Variants in PRAG1 observed in about 807,000 individuals in gnomAD.
The protein encoded by PRAG1 is PEAK1 related, kinase-activating pseudokinase 1.
In PRAG1, 110 loss-of-function variants were observed where a neutral mutation model predicts 95.6. That is an observed-to-expected ratio of 1.15 (90% CI 0.99 to 1.35). The LOEUF is 1.35. PRAG1 is among the 40% of genes most tolerant of loss of function. The pLI, the probability that PRAG1 is intolerant of heterozygous loss-of-function variation, is 0.00. For synonymous variants in PRAG1, 1,052 were observed against 819.4 expected (o/e 1.28, Z -4.85); for missense variants, 2,554 against 1,864.7 (o/e 1.37, Z -6.81).
intron 3 of PRAG1, among the ~76,000 whole-genome samples, chr8:8,373,147 T>C (rs1207878718): frequency 6.6e-6 from 1 of 152,144 alleles, no homozygotes; most frequent in Non-Finnish European, 1.5e-5. Context: ...CTGGAATTGG[T>C]GCCGGATCAA....
At position 8,377,604 on chromosome 8, in the gene PRAG1, C is replaced by T; in HGVS notation, c.805G>A (p.Ala269Thr). 1 of 1,613,058 alleles carries T rather than the reference C, an allele frequency of 6.2e-7. No individual in the cohort carries two copies. Among genetic ancestry groups the T allele is most frequent in the Non-Finnish European group, 8.5e-7 (1 of 1,179,856 alleles). The change falls in exon 3 of 6, where the codon GCC (alanine) becomes ACC (threonine). Residue 269 changes from alanine (A) to threonine (T), a missense_variant. Physicochemically the swap from Ala to Thr is moderately conservative, Grantham distance 58. Coordinates refer to ENST00000615670, the MANE Select transcript of PRAG1 (RefSeq NM_001080826.3). ...CCPGSPVAKA[A>T]SQTAGSRGRH... Reference sequence around the variant, plus strand: ...CCCCGGGAACCTGCAGTCTGGGAGGCAGCCTTGGCAACAGGGCTCCCAGGG... The same window carrying T: ...CCCCGGGAACCTGCAGTCTGGGAGGTAGCCTTGGCAACAGGGCTCCCAGGG...
At chr8:8,332,485 A>G (rs775383328) in intron 4 of PRAG1, among the ~76,000 whole-genome samples, 2 of 152,012 alleles carry the variant, frequency 1.3e-5, no homozygotes, top group Non-Finnish European at 2.9e-5. Context: ...TTGTATTCAG[A>G]AAAGATATGC....
In PRAG1 at chr8:8,377,442, G is replaced by C. The variant is rs761905449; in HGVS notation, c.967C>G (p.Leu323Val). Reference protein sequence around the residue: ...SQGPTAHPSCLGPKKLSLTSE... With the variant: ...SQGPTAHPSCVGPKKLSLTSE... The stretch of plus-strand genomic sequence containing the variant: ...GTGAGGGACAGTTTCTTGGGGCCCA[G>C]GCAGGATGGGTGGGCAGTGGGGCCC... Residue 323 changes from leucine (L) to valine (V), a missense_variant, in exon 3 of 6, where the codon CTG becomes GTG. By Grantham distance (32) the Leu-to-Val change is conservative (BLOSUM62 1). Coordinates refer to ENST00000615670, the MANE Select transcript of PRAG1 (RefSeq NM_001080826.3). The C allele has an allele frequency of 9.0e-6, 14 of 1,555,692 alleles. No homozygotes were observed. The Admixed American group carries it at 1.5e-4, about 17-fold the overall frequency.
chr8:8,369,143 G>A lies in PRAG1; in HGVS notation c.2162+7104C>T, dbSNP rs1461781163. On this transcript the variant is annotated intron_variant, in intron 3 of 5. Coordinates refer to ENST00000615670, the MANE Select transcript of PRAG1 (RefSeq NM_001080826.3). ...TGCAGAATCATGATGGGTCCCCAGT[G>A]AAATATCAGGCCAGGAACTATTACA... 3.3e-5 allele frequency among the ~76,000 whole-genome samples: 5 copies of A among 151,582 alleles called. No individual in the cohort carries two copies. In the South Asian group the frequency reaches 1.0e-3, roughly 32 times the overall value.
At chr8:8,382,929 C>T (rs894012126) in intron 1 of PRAG1, among the ~76,000 whole-genome samples, 1 of 152,156 alleles carries the variant, frequency 6.6e-6, no homozygotes, top group Non-Finnish European at 1.5e-5. Flanking sequence ...TGGTGATTTG[C>T]GCATTGCTCC....
At position 8,377,742 on chromosome 8, in the gene PRAG1, G is replaced by A. The variant is rs767953452; in HGVS notation, c.667C>T (p.Gln223Ter). 1 of 1,614,090 alleles carries A rather than the reference G, an allele frequency of 6.2e-7. No homozygotes were observed. Among genetic ancestry groups the A allele is most frequent in the Non-Finnish European group, 8.5e-7 (1 of 1,180,030 alleles). ...AFAGTTSGCH[Q>*]GPGPLRESLP... ...GATTCCCGCAGGGGCCCAGGGCCCT[G>A]GTGACAGCCAGATGTGGTCCCAGCA... The change falls in exon 3 of 6, where the codon CAG becomes TAG. Residue 223 changes from glutamine to a stop codon, truncating the protein, a stop_gained. Coordinates refer to ENST00000615670, the MANE Select transcript of PRAG1 (RefSeq NM_001080826.3). LOFTEE classifies it high-confidence loss of function.
chr8:8,334,690 A>G (rs1312239638), intron 4 of PRAG1, among the ~76,000 whole-genome samples: 1 of 148,774 alleles, frequency 6.7e-6, no homozygotes, highest in Non-Finnish European at 1.5e-5. Context: ...CCCTGCCTAC[A>G]GCTCACATGT....
chr8:8,385,747 G>C (rs916116926), intron 1 of PRAG1, among the ~76,000 whole-genome samples: 7 of 152,130 alleles, frequency 4.6e-5, no homozygotes, highest in African/African-American at 9.7e-5. Context: ...TTCTAAGTGT[G>C]TGTGTCCCCG....
intron 3 of PRAG1, among the ~76,000 whole-genome samples, chr8:8,354,691 G>A (rs1036660278): frequency 6.6e-6 from 1 of 152,070 alleles, no homozygotes; most frequent in African/African-American, 2.4e-5. Context: ...CATCTAAATT[G>A]ACATAGAAAA....
intron 3 of PRAG1, among the ~76,000 whole-genome samples, chr8:8,369,805 G>T (rs1466207527): frequency 6.6e-6 from 1 of 151,582 alleles, no homozygotes; most frequent in Admixed American, 6.6e-5. Context: ...ACACAGAGCT[G>T]AGCTTACCTT....
intron 3 of PRAG1, among the ~76,000 whole-genome samples, chr8:8,375,881 C>T (rs952180041): frequency 9.2e-5 from 14 of 151,882 alleles, no homozygotes; most frequent in African/African-American, 3.1e-4. Flanking sequence ...TTTAAATTAA[C>T]GGAAAATATT....
intron 4 of PRAG1, among the ~76,000 whole-genome samples, chr8:8,333,205 G>A (rs1308077854): frequency 6.6e-6 from 1 of 152,210 alleles, no homozygotes; most frequent in African/African-American, 2.4e-5. Context: ...CTTGGCCTAT[G>A]TCTCAGTTGC....
intron 3 of PRAG1, among the ~76,000 whole-genome samples, chr8:8,371,418 G>T (rs563376361): frequency 4.0e-5 from 6 of 151,864 alleles, no homozygotes; most frequent in Non-Finnish European, 8.8e-5. Context: ...CCGCCATCAC[G>T]CCTGGCTAAT....
chr8:8,349,670 G>T (rs750138337), intron 3 of PRAG1, among the ~76,000 whole-genome samples: 1 of 152,074 alleles, frequency 6.6e-6, no homozygotes, highest in African/African-American at 2.4e-5. Context: ...TGAAAAAACT[G>T]ATAGGGCCAA....
intron 3 of PRAG1, among the ~76,000 whole-genome samples, chr8:8,352,813 T>C (rs1799565753): frequency 6.6e-6 from 1 of 152,196 alleles, no homozygotes; most frequent in African/African-American, 2.4e-5. Flanking sequence ...TTGTACTTGC[T>C]TACAAAAAAT....
At chr8:8,376,117 T>C (rs2116931249) in intron 3 of PRAG1, 130 bp downstream of exon 3, 1 of 1,300,606 alleles carries the variant, frequency 7.7e-7, no homozygotes, top group Non-Finnish European at 1.0e-6. Flanking sequence ...CTGGGAAATT[T>C]ACATAAAGGC....
intron 3 of PRAG1, among the ~76,000 whole-genome samples, chr8:8,346,454 T>C (rs1799346007): frequency 6.6e-6 from 1 of 152,208 alleles, no homozygotes; most frequent in African/African-American, 2.4e-5. Context: ...CACGGTGTCC[T>C]CAGAGCCCCA....
At chr8:8,348,596 C>T (rs901171804) in intron 3 of PRAG1, among the ~76,000 whole-genome samples, 5 of 152,114 alleles carry the variant, frequency 3.3e-5, no homozygotes, top group African/African-American at 9.7e-5. Context: ...CAAAGTGCTC[C>T]TTCTCTTCTC....
chr8:8,340,904 G>A (rs114642533), intron 3 of PRAG1, among the ~76,000 whole-genome samples: 218 of 152,162 alleles, frequency 1.4e-3, no homozygotes, highest in African/African-American at 4.8e-3. Flanking sequence ...TCTCAGTATC[G>A]CTGTGGGAAC....
Sources: allele counts gnomAD v4.1 joint callset (sites outside exome capture counted in the v4.1 genomes callset), GRCh38; gene constraint gnomAD v4.1.1; transcripts MANE v1.5; gene names NCBI Gene and HGNC (gene_info 2026-07-23, HGNC 2026-07-21).